The following BRWD1 variants were observed in gnomAD, a reference collection of about 807,000 sequenced individuals.
BRWD1 encodes the protein bromodomain and WD repeat domain containing 1.
In BRWD1, 82 loss-of-function variants were observed where a neutral mutation model predicts 251.2. The observed-to-expected ratio is 0.33, with a 90% CI of 0.27 to 0.39. The LOEUF (loss-of-function observed/expected upper bound fraction) is 0.39, where lower values mean the gene tolerates loss of function less well. Ranked by LOEUF, BRWD1 falls within the 10% of genes least tolerant of loss-of-function variation. The pLI, the probability that BRWD1 is intolerant of heterozygous loss-of-function variation, is 1.00. For synonymous variants in BRWD1, 918 were observed against 902.8 expected (o/e 1.02, Z -0.30); for missense variants, 2,233 against 2,711.6 (o/e 0.82, Z 3.92).
At chr21:39,311,095 T>C (rs1380385148) in intron 4 of BRWD1, among the ~76,000 whole-genome samples, 1 of 151,810 alleles carries the variant, frequency 6.6e-6, no homozygotes, top group Non-Finnish European at 1.5e-5. Flanking sequence ...ATCACAGAAT[T>C]TAAGTGATTT....
chr21:39,241,321 A>G (rs903981129), intron 21 of BRWD1, among the ~76,000 whole-genome samples: 10 of 151,168 alleles, frequency 6.6e-5, no homozygotes, highest in Non-Finnish European at 7.4e-5. Context: ...TAAAAAAATT[A>G]GCCGGGTGTG....
At chr21:39,213,356 A>G (rs1380419651) in intron 33 of BRWD1, 125 bp downstream of exon 33, 3 of 789,770 alleles carry the variant, frequency 3.8e-6, no homozygotes, top group African/African-American at 3.5e-5. Flanking sequence ...ATATAATTTT[A>G]TCAAATGCCC....
In BRWD1 at chr21:39,187,375, G is replaced by A. The variant is rs1281830986; in HGVS notation, c.*8884C>T. 3 of 1,603,142 alleles carry A rather than the reference G, an allele frequency of 1.9e-6. No homozygotes were observed. Among genetic ancestry groups the A allele is most frequent in the Non-Finnish European group, 2.6e-6 (3 of 1,176,258 alleles). Reference sequence around the variant, plus strand: ...TGCATCCTTCTGATTATGCATACATGTTCTCACTTTTGTATTGGGTTCTCT... The same window carrying A: ...TGCATCCTTCTGATTATGCATACATATTCTCACTTTTGTATTGGGTTCTCT... On this transcript the variant is annotated 3_prime_UTR_variant, in exon 41 of 41. Coordinates refer to ENST00000342449, the MANE Select transcript of BRWD1 (RefSeq NM_033656.4).
chr21:39,276,131 T>C lies in BRWD1; in HGVS notation c.1145+42A>G, dbSNP rs750788021. The C allele has an allele frequency of 9.1e-6, 14 of 1,542,952 alleles. 1 individual carries two copies. In the South Asian group the frequency reaches 1.5e-4, roughly 17 times the overall value. ...ATACTAACATGTAGCACATTATATT[T>C]GCCTAATAACACACACACACACATA... On this transcript the variant is annotated intron_variant, in intron 12 of 40. Coordinates refer to ENST00000342449, the MANE Select transcript of BRWD1 (RefSeq NM_033656.4).
At chr21:39,198,227 T>C (rs1011092151) in intron 40 of BRWD1, among the ~76,000 whole-genome samples, 2 of 152,340 alleles carry the variant, frequency 1.3e-5, no homozygotes, top group Non-Finnish European at 2.9e-5. Flanking sequence ...TGTGCTCCAG[T>C]TATTACCTGT....
chr21:39,249,033 TA>T (rs138109597), intron 20 of BRWD1, among the ~76,000 whole-genome samples: 2,305 of 147,084 alleles, frequency 0.016, 55 homozygotes, highest in African/African-American at 0.054. Context: ...TACCCAGCCA[TA>T]AAAAAAAAAC....
Position 39,258,507 on chromosome 21 carries a change from C to G in BRWD1, c.2051G>C (p.Gly684Ala). ...QDTIPRGLSN[G>A]EETPRRGFRR... The stretch of plus-strand genomic sequence containing the variant: ...ATTACCTCTCCGGGGTGTTTCTTCA[C>G]CATTTGAAAGTCCTCTTGGAATAGT... Residue 684 changes from glycine (G) to alanine (A), a missense_variant, in exon 18 of 41, where the codon GGT (glycine) becomes GCT (alanine). This residue lies in a region of BRWD1 where 73 missense variants were observed against 68.1 expected (regional missense o/e 1.07). Coordinates refer to ENST00000342449, the MANE Select transcript of BRWD1 (RefSeq NM_033656.4). 6.3e-7 allele frequency: 1 copy of G among 1,599,658 alleles called. No individual in the cohort carries two copies. The highest frequency in any genetic ancestry group is 8.5e-7 in the Non-Finnish European group (1 of 1,173,252).
intron 6 of BRWD1, 97 bp from the exon 7 acceptor site, chr21:39,296,000 T>G (rs2035952400): frequency 9.1e-7 from 1 of 1,096,414 alleles, no homozygotes; most frequent in Admixed American, 3.3e-5. Context: ...CACAAAAATC[T>G]ATGTTCAAGA....
At chr21:39,246,791 G>A (rs1162475375) in intron 21 of BRWD1, among the ~76,000 whole-genome samples, 2 of 152,162 alleles carry the variant, frequency 1.3e-5, no homozygotes, top group Non-Finnish European at 2.9e-5. Context: ...CATATTTTAA[G>A]AGCCCGTCCG....
chr21:39,187,631 A>G lies in BRWD1; in HGVS notation c.*8628T>C. On this transcript the variant is annotated 3_prime_UTR_variant, in exon 41 of 41. Coordinates refer to ENST00000342449, the MANE Select transcript of BRWD1 (RefSeq NM_033656.4). ...CAACTATAAGGATGTCACTTAAAAC[A>G]GTAGCAGACTTGTAAGAATGGGGTG... The G allele has an allele frequency of 1.0e-6, 1 of 985,388 alleles. No individual in the cohort carries two copies. The allele number at this position is 985,388 out of a possible 1,614,324, so 61.0% of individuals were successfully genotyped here.
chr21:39,307,852 T>C (rs761953983), intron 4 of BRWD1, among the ~76,000 whole-genome samples: 4 of 152,246 alleles, frequency 2.6e-5, no homozygotes, highest in Non-Finnish European at 5.9e-5. Context: ...AGCTAATTTC[T>C]TTCCTCTATA....
intron 39 of BRWD1, 93 bp from the exon 40 acceptor site, chr21:39,199,755 G>A (rs2032013698): frequency 2.2e-5 from 27 of 1,255,422 alleles, no homozygotes; most frequent in Admixed American, 2.8e-5. Flanking sequence ...TCACTTTTTT[G>A]GGGGGCGGGG....
At chr21:39,320,649 A>G (rs960485434) in intron 1 of BRWD1, among the ~76,000 whole-genome samples, 1 of 151,050 alleles carries the variant, frequency 6.6e-6, no homozygotes, top group Admixed American at 6.7e-5. Context: ...TCTCTTTTCA[A>G]AAACCTTAGA....
At position 39,199,153 on chromosome 21, in the gene BRWD1, A is replaced by T. The variant is rs1370873564; in HGVS notation, c.5263T>A (p.Ser1755Thr). 4 of 1,613,342 alleles carry T rather than the reference A, an allele frequency of 2.5e-6. No homozygotes were observed. The highest frequency in any genetic ancestry group is 3.4e-6 in the Non-Finnish European group (4 of 1,179,878). ...PSKTKFLKIESSEEDSKSHDS... is the reference protein window; with the variant it reads ...PSKTKFLKIETSEEDSKSHDS... ...TGACTTTTAGAGTCTTCCTCAGAAG[A>T]CTCTATTTTAAGAAATTTTGTCTTT... Residue 1755 changes from serine (S) to threonine (T), a missense_variant, in exon 40 of 41, where the codon TCT (serine) becomes ACT (threonine). Physicochemically the swap from Ser to Thr is moderately conservative, Grantham distance 58 (BLOSUM62 1). This residue lies in a region of BRWD1 where 928 missense variants were observed against 970.0 expected (regional missense o/e 0.96). Coordinates refer to ENST00000342449, the MANE Select transcript of BRWD1 (RefSeq NM_033656.4).
downstream of BRWD1, chr21:39,185,299 A>AAAAAAAAAAAAC (rs2031159870): frequency 2.5e-5 from 1 of 40,610 alleles, no homozygotes; most frequent in Non-Finnish European, 5.1e-5. Context: ...AATTGCTAAA[A>AAAAAAAAAAAAC]AAAAAAAAAA....
chr21:39,230,752 A>C (rs2033580728), intron 25 of BRWD1, among the ~76,000 whole-genome samples: 2 of 152,098 alleles, frequency 1.3e-5, no homozygotes, highest in South Asian at 4.1e-4. Context: ...AAAAATGGAA[A>C]ACATGTGGCA....
chr21:39,299,068 A>G (rs1207521525), intron 4 of BRWD1, among the ~76,000 whole-genome samples: 2 of 152,142 alleles, frequency 1.3e-5, no homozygotes, highest in Admixed American at 6.5e-5. Flanking sequence ...TACTAAAAAT[A>G]CAAAATTAGC....
In BRWD1 at chr21:39,197,415, T is replaced by C; in HGVS notation, c.5654A>G (p.Asp1885Gly). The C allele has an allele frequency of 1.3e-6, 2 of 1,554,188 alleles. No homozygotes were observed. Among genetic ancestry groups the C allele is most frequent in the Admixed American group, 2.1e-5 (1 of 47,362 alleles). ...KIEKPNNFMK[D>G]SASQDNGLSR... ...TAGTCCATTGTCTTGTGATGCAGAATCTAAAAGTTAAAGAGCAGATTTCTA... is the reference window on the plus strand; with the variant it reads ...TAGTCCATTGTCTTGTGATGCAGAACCTAAAAGTTAAAGAGCAGATTTCTA... The change falls in exon 41 of 41, where the codon GAT becomes GGT. Residue 1885 changes from aspartate to glycine, a missense_variant and splice_region_variant. Asp to Gly is a moderately conservative substitution (Grantham distance 94). This residue lies in a region of BRWD1 where 928 missense variants were observed against 970.0 expected (regional missense o/e 0.96). Coordinates refer to ENST00000342449, the MANE Select transcript of BRWD1 (RefSeq NM_033656.4).
At chr21:39,288,872 C>T (rs904667039) in intron 8 of BRWD1, among the ~76,000 whole-genome samples, 13 of 152,084 alleles carry the variant, frequency 8.5e-5, no homozygotes, top group Non-Finnish European at 2.9e-5. Context: ...CTTGCTATCT[C>T]AGGGGTGACA....
Sources: allele counts gnomAD v4.1 joint callset (sites outside exome capture counted in the v4.1 genomes callset), GRCh38; gene constraint gnomAD v4.1.1; regional missense constraint gnomAD v4.1.1; transcripts MANE v1.5; gene names NCBI Gene and HGNC (gene_info 2026-07-23, HGNC 2026-07-21).